The following PRKCB variants were observed in gnomAD, a reference collection of about 807,000 sequenced individuals.
PRKCB encodes protein kinase C beta type.
Under a neutral mutation model 81.5 loss-of-function variants are expected in PRKCB, and 13 were observed. The observed-to-expected ratio is 0.16, with a 90% CI of 0.10 to 0.25. The LOEUF (loss-of-function observed/expected upper bound fraction) is 0.25, where lower values mean the gene tolerates loss of function less well. Among genes scored for constraint, PRKCB ranks in the 10% least tolerant of loss-of-function variants. PRKCB has a pLI of 1.00. For synonymous variants in PRKCB, 335 were observed against 321.4 expected, an observed-to-expected ratio of 1.04 and a Z score of -0.45; for missense variants, 509 against 875.7, an observed-to-expected ratio of 0.58 and a Z score of 5.29.
At chr16:24,113,112 C>A in intron 8 of PRKCB, 43 bp downstream of exon 8, 1 of 1,497,182 alleles carries the variant, frequency 6.7e-7, no homozygotes, top group South Asian at 1.2e-5. Flanking sequence ...TTTTCTCTTT[C>A]TTTTTTCCTT....
chr16:24,204,466 T>C (rs538779232), intron 16 of PRKCB, among the ~76,000 whole-genome samples: 1 of 152,288 alleles, frequency 6.6e-6, no homozygotes, highest in East Asian at 1.9e-4. Flanking sequence ...AGATAATCCT[T>C]TTCCTGCCTA....
intron 2 of PRKCB, among the ~76,000 whole-genome samples, chr16:23,920,802 C>T (rs1314151160): frequency 6.6e-6 from 1 of 152,200 alleles, no homozygotes; most frequent in Non-Finnish European, 1.5e-5. Context: ...GTGTTCGGCT[C>T]CACCCAGCAC....
intron 2 of PRKCB, among the ~76,000 whole-genome samples, chr16:23,884,146 G>A (rs1248673067): frequency 6.6e-6 from 1 of 152,182 alleles, no homozygotes; most frequent in Non-Finnish European, 1.5e-5. Flanking sequence ...TGGTAGCACA[G>A]TTATAGATGA....
chr16:24,038,753 T>G (rs930763624), intron 5 of PRKCB, among the ~76,000 whole-genome samples: 6 of 152,252 alleles, frequency 3.9e-5, no homozygotes, highest in African/African-American at 1.4e-4. Flanking sequence ...GCTTCCTTCC[T>G]CAGGCAGGGA....
chr16:24,118,675 C>T (rs548096389), intron 8 of PRKCB, among the ~76,000 whole-genome samples: 11 of 152,320 alleles, frequency 7.2e-5, no homozygotes, highest in African/African-American at 2.6e-4. Context: ...ATGCTATTTG[C>T]TTTCTCTCTT....
At chr16:23,837,234 A>G (rs1962179348) in intron 1 of PRKCB, 141 bp from the exon 2 acceptor site, 2 of 996,116 alleles carry the variant, frequency 2.0e-6, no homozygotes, top group Non-Finnish European at 3.2e-6. Flanking sequence ...CAAAGGCGGA[A>G]GACTCTTGGG....
Position 24,134,727 on chromosome 16 carries a change from C to T in PRKCB, c.1065+10746C>T, listed in dbSNP as rs573351911. Among the ~76,000 whole-genome samples, 10 of 149,316 alleles carry T rather than the reference C, an allele frequency of 6.7e-5. No individual in the cohort carries two copies. The East Asian group carries it at 9.8e-4, about 15-fold the overall frequency. ...TCATGTCACTGCACTCCAGCCTGGG[C>T]GACAGAGCGAGACTCCGTCTCAAAG... On this transcript the variant is annotated intron_variant, in intron 9 of 16. Transcript: ENST00000643927.
intron 2 of PRKCB, among the ~76,000 whole-genome samples, chr16:23,853,522 G>A (rs1962509557): frequency 6.6e-6 from 1 of 152,210 alleles, no homozygotes; most frequent in African/African-American, 2.4e-5. Flanking sequence ...CTATGTCCAG[G>A]AGGAAAAGAA....
chr16:24,128,076 C>CAAA (rs1392191593), intron 9 of PRKCB, among the ~76,000 whole-genome samples: 1 of 152,120 alleles, frequency 6.6e-6, no homozygotes, highest in East Asian at 1.9e-4. Flanking sequence ...CAAAACAAAA[C>CAAA]ATGTTTTTAA....
intron 3 of PRKCB, among the ~76,000 whole-genome samples, chr16:24,024,326 G>A (rs1039521541): frequency 6.6e-6 from 1 of 152,206 alleles, no homozygotes; most frequent in Non-Finnish European, 1.5e-5. Flanking sequence ...GCAGGAGGCA[G>A]GAGTAGGGAA....
chr16:24,109,993 G>A (rs1213868886), intron 7 of PRKCB, among the ~76,000 whole-genome samples: 2 of 134,152 alleles, frequency 1.5e-5, no homozygotes, highest in South Asian at 2.4e-4. Flanking sequence ...GCACTCGGCA[G>A]GCTGAGTCAG....
At chr16:24,127,612 C>T (rs1966846790) in intron 9 of PRKCB, among the ~76,000 whole-genome samples, 1 of 151,632 alleles carries the variant, frequency 6.6e-6, no homozygotes, top group South Asian at 2.1e-4. Flanking sequence ...TGGAGAGTCC[C>T]ATGGAAAGGA....
At chr16:23,990,480 C>G (rs929181910) in intron 3 of PRKCB, among the ~76,000 whole-genome samples, 2 of 142,326 alleles carry the variant, frequency 1.4e-5, no homozygotes, top group African/African-American at 5.2e-5. Context: ...AAAAAAGAAG[C>G]TTTTTTTTTT....
intron 15 of PRKCB, among the ~76,000 whole-genome samples, chr16:24,187,076 G>A (rs1349044438): frequency 6.6e-6 from 1 of 152,020 alleles, no homozygotes; most frequent in African/African-American, 2.4e-5. Context: ...GGTGGGGGCG[G>A]GTAGAGAGAA....
At chr16:24,181,008 G>A in intron 13 of PRKCB, 80 bp downstream of exon 13, 1 of 1,549,674 alleles carries the variant, frequency 6.5e-7, no homozygotes, top group Non-Finnish European at 8.8e-7. Context: ...GCTGGGAAGG[G>A]TTGAGGGTGG....
chr16:24,148,958 C>A (rs1288691581), intron 9 of PRKCB, among the ~76,000 whole-genome samples: 1 of 152,194 alleles, frequency 6.6e-6, no homozygotes, highest in East Asian at 1.9e-4. Context: ...AAGCTTAAAA[C>A]AACAGCCATC....
At chr16:24,032,281 A>G in intron 4 of PRKCB, 34 bp downstream of exon 4, 1 of 1,473,422 alleles carries the variant, frequency 6.8e-7, no homozygotes, top group Non-Finnish European at 9.5e-7. Context: ...GCATCTGCTG[A>G]TGGCAGAAGC....
At chr16:24,003,156 T>G (rs11074597) in intron 3 of PRKCB, among the ~76,000 whole-genome samples, 84,830 of 151,838 alleles carry the variant, frequency 0.56, 23,996 homozygotes, top group South Asian at 0.77. Context: ...CCTTATACTT[T>G]CCCAACACCA....
intron 2 of PRKCB, among the ~76,000 whole-genome samples, chr16:23,882,889 A>G (rs566871614): frequency 1.3e-5 from 2 of 152,098 alleles, no homozygotes; most frequent in Non-Finnish European, 2.9e-5. Context: ...CACCTGGCTG[A>G]GACTCCACTT....
Sources: allele counts gnomAD v4.1 joint callset (sites outside exome capture counted in the v4.1 genomes callset), GRCh38; gene constraint gnomAD v4.1.1; transcripts MANE v1.5; gene names NCBI Gene and HGNC (gene_info 2026-07-23, HGNC 2026-07-21).